Variants in SHQ1 observed in about 807,000 individuals in gnomAD.
SHQ1 encodes the protein SHQ1, H/ACA ribonucleoprotein assembly factor, also known as protein SHQ1 homolog.
SHQ1 carries 49 observed loss-of-function variants against 53.8 expected under a neutral mutation model. The observed-to-expected ratio is 0.91, with a 90% CI of 0.72 to 1.16. The LOEUF (loss-of-function observed/expected upper bound fraction) is 1.16. Ranked by LOEUF, SHQ1 falls within the 50% of genes most tolerant of loss-of-function variation. The pLI, the probability that SHQ1 is intolerant of heterozygous loss-of-function variation, is 0.00. For synonymous variants in SHQ1, 243 were observed against 251.0 expected (o/e 0.97, Z 0.30); for missense variants, 738 against 683.1 (o/e 1.08, Z -0.90).
At chr3:72,786,925 G>A (rs1706249209) in intron 10 of SHQ1, among the ~76,000 whole-genome samples, 1 of 152,168 alleles carries the variant, frequency 6.6e-6, no homozygotes, top group Admixed American at 6.5e-5. Flanking sequence ...GAGCCAGAAG[G>A]AAGAGATGTA....
intron 7 of SHQ1, among the ~76,000 whole-genome samples, chr3:72,816,812 G>A (rs573385967): frequency 5.1e-4 from 78 of 152,164 alleles, no homozygotes; most frequent in African/African-American, 1.5e-3. Flanking sequence ...TCTCTATTTT[G>A]TAAAATGCCA....
At chr3:72,738,989 T>C in the SHQ1 span, among the ~76,000 whole-genome samples, 1 of 152,208 alleles carries the variant, frequency 6.6e-6, no homozygotes, top group Non-Finnish European at 1.5e-5. Flanking sequence ...TGGGTGGTTA[T>C]GCCACCTCAT....
At chr3:72,846,323 C>G in intron 1 of SHQ1, 1 of 1,509,322 alleles carries the variant, frequency 6.6e-7, no homozygotes, top group Middle Eastern at 2.3e-4. Context: ...TTTAGACAGT[C>G]TCGCTCTGTT....
intron 10 of SHQ1, among the ~76,000 whole-genome samples, chr3:72,757,350 AC>A (rs1705516923): frequency 6.6e-6 from 1 of 150,924 alleles, no homozygotes; most frequent in Admixed American, 6.6e-5. Flanking sequence ...TCTATCTGGG[AC>A]CAAACAGTAG....
intron 10 of SHQ1, among the ~76,000 whole-genome samples, chr3:72,752,775 C>T (rs938760458): frequency 3.2e-4 from 49 of 152,182 alleles, no homozygotes; most frequent in African/African-American, 1.2e-3. Context: ...GATCTGCCAG[C>T]CTCGGCCTCC....
intron 5 of SHQ1, among the ~76,000 whole-genome samples, chr3:72,828,554 C>G (rs1311360773): frequency 6.6e-6 from 1 of 152,010 alleles, no homozygotes; most frequent in Non-Finnish European, 1.5e-5. Context: ...GTTAGCTGGG[C>G]ATGGTGGTGC....
At chr3:72,785,293 A>G (rs1022211231) in intron 10 of SHQ1, among the ~76,000 whole-genome samples, 3 of 152,194 alleles carry the variant, frequency 2.0e-5, no homozygotes, top group Non-Finnish European at 4.4e-5. Flanking sequence ...AGTCACCAAT[A>G]AAGCTCCCCA....
In SHQ1 at chr3:72,750,568, G is replaced by A; in HGVS notation, c.1450C>T (p.Pro484Ser). The A allele has an allele frequency of 6.2e-7, 1 of 1,614,190 alleles. No individual in the cohort carries two copies. The highest frequency in any genetic ancestry group is 8.5e-7 in the Non-Finnish European group (1 of 1,180,020). The change falls in exon 11 of 11, where the codon CCA becomes TCA. Residue 484 changes from proline to serine, a missense_variant. Physicochemically the swap from Pro to Ser is moderately conservative, Grantham distance 74. Coordinates refer to ENST00000325599, the MANE Select transcript of SHQ1 (RefSeq NM_018130.3). ...DSEQDELKDSPSETVSSLQGP... is the reference protein window; with the variant it reads ...DSEQDELKDSSSETVSSLQGP... ...TGCAAAGAACTGACTGTCTCAGATGGACTATCTTTGAGTTCATCTTGTTCT... is the reference window on the plus strand; with the variant it reads ...TGCAAAGAACTGACTGTCTCAGATGAACTATCTTTGAGTTCATCTTGTTCT...
At chr3:72,772,502 C>G in intron 10 of SHQ1, 1 of 574,108 alleles carries the variant, frequency 1.7e-6, no homozygotes, top group Non-Finnish European at 3.3e-6. Flanking sequence ...CATCTGGACC[C>G]TCAGACAGTG....
chr3:72,785,555 C>T (rs1422019180), intron 10 of SHQ1, among the ~76,000 whole-genome samples: 10 of 152,164 alleles, frequency 6.6e-5, no homozygotes, highest in South Asian at 2.1e-4. Context: ...ACTATAACAT[C>T]GTGACCCCTG....
chr3:72,742,797 T>C, the SHQ1 span, among the ~76,000 whole-genome samples: 9 of 152,030 alleles, frequency 5.9e-5, no homozygotes, highest in African/African-American at 2.2e-4. Context: ...GCTAATTTTT[T>C]TGTATTTTTA....
chr3:72,812,567 C>A, intron 9 of SHQ1, 104 bp downstream of exon 9: 1 of 1,259,604 alleles, frequency 7.9e-7, no homozygotes. Flanking sequence ...TTTTTCATTA[C>A]TTATTTATAT....
chr3:72,726,115 T>C, the SHQ1 span, among the ~76,000 whole-genome samples: 4 of 152,002 alleles, frequency 2.6e-5, no homozygotes, highest in Non-Finnish European at 5.9e-5. Flanking sequence ...CAAAAAGAAA[T>C]GTAGTACTAT....
At chr3:72,770,976 T>C (rs1465245168) in intron 10 of SHQ1, among the ~76,000 whole-genome samples, 3 of 152,216 alleles carry the variant, frequency 2.0e-5, no homozygotes, top group Non-Finnish European at 4.4e-5. Flanking sequence ...AACAATCTCC[T>C]GTAGTCTCTT....
At chr3:72,792,261 A>T (rs1215659079) in intron 10 of SHQ1, among the ~76,000 whole-genome samples, 1 of 152,226 alleles carries the variant, frequency 6.6e-6, no homozygotes, top group Non-Finnish European at 1.5e-5. Flanking sequence ...ATACAGATAC[A>T]AGTTCAGATA....
chr3:72,823,746 T>C (rs1707559286), intron 6 of SHQ1, among the ~76,000 whole-genome samples: 1 of 152,190 alleles, frequency 6.6e-6, no homozygotes, highest in South Asian at 2.1e-4. Flanking sequence ...ATCCCCAAAA[T>C]TGCTAATAGT....
chr3:72,736,484 T>A, the SHQ1 span, among the ~76,000 whole-genome samples: 2 of 92,402 alleles, frequency 2.2e-5, no homozygotes, highest in Non-Finnish European at 5.3e-5. Flanking sequence ...TCATTAAAAA[T>A]TTTTTTAAAA....
the SHQ1 span, among the ~76,000 whole-genome samples, chr3:72,736,663 G>A: frequency 6.7e-6 from 1 of 148,262 alleles, no homozygotes; most frequent in Non-Finnish European, 1.5e-5. Context: ...AATGGTGGCA[G>A]GCACCTGTAA....
intron 9 of SHQ1, among the ~76,000 whole-genome samples, chr3:72,807,387 A>G (rs1706985890): frequency 1.3e-5 from 2 of 152,232 alleles, no homozygotes; most frequent in Admixed American, 1.3e-4. Context: ...GTTCTCAACA[A>G]ATACTTGTTG....
Sources: allele counts gnomAD v4.1 joint callset (sites outside exome capture counted in the v4.1 genomes callset), GRCh38; gene constraint gnomAD v4.1.1; transcripts MANE v1.5; gene names NCBI Gene and HGNC (gene_info 2026-07-23, HGNC 2026-07-21).